Variants in ARID1B observed in about 807,000 individuals in gnomAD.
ARID1B encodes AT-rich interactive domain-containing protein 1B.
A neutral mutation model predicts 212.3 loss-of-function variants in ARID1B; 30 were observed. The ratio of observed to expected loss-of-function variants is 0.14; its 90% confidence interval spans 0.11 to 0.19. The LOEUF (loss-of-function observed/expected upper bound fraction) is 0.19. ARID1B is among the 10% of genes least tolerant of loss of function. The pLI is 1.00. For synonymous variants in ARID1B, 1,402 were observed against 1,301.7 expected, an observed-to-expected ratio of 1.08 and a Z score of -1.66; for missense variants, 2,891 against 3,204.0, an observed-to-expected ratio of 0.90 and a Z score of 2.36.
chr6:156,977,044 C>G, intron 4 of ARID1B: 1 of 388,380 alleles, frequency 2.6e-6, no homozygotes, highest in Admixed American at 3.0e-5. Context: ...AAACACACAG[C>G]AGGGAAAATC....
intron 4 of ARID1B, among the ~76,000 whole-genome samples, chr6:156,954,628 G>A (rs988704673): frequency 2.0e-5 from 3 of 152,026 alleles, no homozygotes; most frequent in African/African-American, 7.2e-5. Context: ...AAATTGTTTA[G>A]GAAGTTTTTC....
Position 157,152,974 on chromosome 6 carries a change from G to A in ARID1B, c.3089+4023G>A, listed in dbSNP as rs113849681. Among the ~76,000 whole-genome samples the A allele has an allele frequency of 9.2e-3, 1,394 of 152,336 alleles. 20 individuals carry two copies. The highest frequency in any genetic ancestry group is 0.031 in the African/African-American group (1,297 of 41,560). On this transcript the variant is annotated intron_variant, in intron 8 of 19. Transcript: ENST00000636930. ...AGGACAAATTAATGATGAAGGTGGAGCGTGAGTGAGTGTGTGTCTGCAATT... is the reference window on the plus strand; with the variant it reads ...AGGACAAATTAATGATGAAGGTGGAACGTGAGTGAGTGTGTGTCTGCAATT...
intron 4 of ARID1B, among the ~76,000 whole-genome samples, chr6:157,002,965 A>C (rs1335020545): frequency 6.6e-6 from 1 of 152,208 alleles, no homozygotes; most frequent in East Asian, 1.9e-4. Context: ...GACAGCTGAG[A>C]CCAGAAACAT....
At chr6:157,153,554 C>T (rs977860091) in intron 8 of ARID1B, among the ~76,000 whole-genome samples, 11 of 152,200 alleles carry the variant, frequency 7.2e-5, no homozygotes, top group African/African-American at 2.4e-4. Flanking sequence ...GATCAGTTCT[C>T]GTGGCTCTCT....
chr6:157,209,652 T>G lies in ARID1B; in HGVS notation c.*1761T>G, dbSNP rs886644068. 7 of 233,112 alleles carry G rather than the reference T, an allele frequency of 3.0e-5. No individual in the cohort carries two copies. In the Admixed American group the frequency reaches 3.9e-4, roughly 13 times the overall value. 14.4% of individuals were successfully genotyped at this position (233,112 alleles called of 1,614,324 possible). A position where few individuals can be genotyped will look rare whatever the true frequency, so the allele number is the denominator to read the frequency against. ...CTATTCCTTGTTTCTTCTGTGTGCC[T>G]CAGAGTTATTTTGCATTTAGTTTAC... On this transcript the variant is annotated 3_prime_UTR_variant, in exon 20 of 20. Transcript: ENST00000636930.
chr6:157,051,117 G>T (rs1782575129), intron 4 of ARID1B, among the ~76,000 whole-genome samples: 1 of 152,178 alleles, frequency 6.6e-6, no homozygotes, highest in African/African-American at 2.4e-5. Context: ...CACTGTAATT[G>T]ACTGGGGAGA....
At chr6:156,780,156 A>G (rs1197191887) in intron 1 of ARID1B, among the ~76,000 whole-genome samples, 3 of 152,202 alleles carry the variant, frequency 2.0e-5, no homozygotes, top group Non-Finnish European at 2.9e-5. Flanking sequence ...TTCGTTCCTT[A>G]GAATAGCCAG....
rs1046451353 is a variant in ARID1B at position 156,777,698 on chromosome 6, A to AGCGGCGGCGGCGGCG, written c.28_42dup (p.Ala10_Ala14dup). The AGCGGCGGCGGCGGCG allele has an allele frequency of 2.0e-5, 3 of 146,666 alleles. No homozygotes were observed. The highest frequency in any genetic ancestry group is 2.1e-4 in the South Asian group (1 of 4,798). 9.1% of individuals were successfully genotyped at this position (146,666 alleles called of 1,614,324 possible). Reference sequence around the variant, plus strand: ...CGGCGATCATGGCCGCGCGGGCAGCAGCGGCGGCGGCGGCGGCGGCGGCGC... The same window carrying AGCGGCGGCGGCGGCG: ...CGGCGATCATGGCCGCGCGGGCAGCAGCGGCGGCGGCGGCGGCGGCGGCGGCGGCGGCGGCGGCGC... On this transcript the variant is annotated inframe_insertion, in exon 1 of 20. Coordinates refer to ENST00000636930, the MANE Select transcript of ARID1B (RefSeq NM_001374828.1).
At chr6:156,897,206 G>GCTT (rs1562468084) in intron 2 of ARID1B, among the ~76,000 whole-genome samples, 15 of 82,844 alleles carry the variant, frequency 1.8e-4, no homozygotes, top group African/African-American at 6.5e-4. Flanking sequence ...TGCTGCTGCT[G>GCTT]CTGCTGCTGC....
At chr6:156,951,308 A>G (rs896192950) in intron 4 of ARID1B, among the ~76,000 whole-genome samples, 1 of 152,234 alleles carries the variant, frequency 6.6e-6, no homozygotes, top group Non-Finnish European at 1.5e-5. Context: ...TGAAAAAGAG[A>G]GAAGCAAACA....
At chr6:157,191,407 C>G (rs1793366717) in intron 15 of ARID1B, among the ~76,000 whole-genome samples, 1 of 151,908 alleles carries the variant, frequency 6.6e-6, no homozygotes, top group African/African-American at 2.4e-5. Context: ...TGGGGTGTGT[C>G]CCGGTGGTAA....
chr6:156,824,292 T>A (rs772186526), intron 1 of ARID1B, among the ~76,000 whole-genome samples: 1 of 152,220 alleles, frequency 6.6e-6, no homozygotes, highest in Non-Finnish European at 1.5e-5. Flanking sequence ...CTTGTCTTAT[T>A]TTCTGGAATT....
chr6:157,012,391 T>C (rs1384171540), intron 4 of ARID1B, among the ~76,000 whole-genome samples: 1 of 152,244 alleles, frequency 6.6e-6, no homozygotes. Context: ...AAGGCAGTTA[T>C]GAGGGCTCCA....
At chr6:157,023,874 A>C (rs747588526) in intron 4 of ARID1B, 19 of 152,210 alleles carry the variant, frequency 1.2e-4, no homozygotes, top group Non-Finnish European at 2.4e-4. Context: ...TAAATAATAC[A>C]TTCAAGTGAG....
At chr6:156,785,239 A>C (rs770671183) in intron 1 of ARID1B, among the ~76,000 whole-genome samples, 2 of 152,234 alleles carry the variant, frequency 1.3e-5, no homozygotes, top group African/African-American at 4.8e-5. Context: ...TCTTAAGCCT[A>C]TCTGGTTTAT....
At position 156,781,975 on chromosome 6, in the gene ARID1B, CTTTTTTTTTTTTT is replaced by C. The variant is rs57443841; in HGVS notation, c.1791+2521_1791+2533del. 4.1e-4 allele frequency among the ~76,000 whole-genome samples: 16 copies of C among 39,228 alleles called. 1 individual carries two copies. Among genetic ancestry groups the C allele is most frequent in the South Asian group, 2.6e-3 (2 of 774 alleles). The allele number at this position is 39,228 out of a possible 152,430, so 25.7% of individuals were successfully genotyped here. A position where few individuals can be genotyped will look rare whatever the true frequency, so the allele number is the denominator to read the frequency against. On this transcript the variant is annotated intron_variant, in intron 1 of 19. Coordinates refer to ENST00000636930, the MANE Select transcript of ARID1B (RefSeq NM_001374828.1). ...TGTCCCTATGACCCTTGGGAATAGGCTTTTTTTTTTTTTTTTTTTTTTTTTTTTTGTTGAGGTT... is the reference window on the plus strand; with the variant it reads ...TGTCCCTATGACCCTTGGGAATAGGCTTTTTTTTTTTTTTTTGTTGAGGTT...
At chr6:156,828,297 T>C (rs1346308086) in intron 1 of ARID1B, among the ~76,000 whole-genome samples, 1 of 152,146 alleles carries the variant, frequency 6.6e-6, no homozygotes. Context: ...ACCCTGCTAA[T>C]TCTTAAGCCT....
intron 8 of ARID1B, chr6:157,166,767 CTA>C: frequency 3.3e-6 from 1 of 300,058 alleles, no homozygotes; most frequent in Non-Finnish European, 6.0e-6. Flanking sequence ...TTATATTCCT[CTA>C]TATAAATAAT....
At chr6:156,781,353 AG>A (rs1779253890) in intron 1 of ARID1B, among the ~76,000 whole-genome samples, 1 of 152,056 alleles carries the variant, frequency 6.6e-6, no homozygotes, top group Non-Finnish European at 1.5e-5. Flanking sequence ...ACGATGAATT[AG>A]GGAAACTATA....
Sources: allele counts gnomAD v4.1 joint callset (sites outside exome capture counted in the v4.1 genomes callset), GRCh38; gene constraint gnomAD v4.1.1; transcripts MANE v1.5; gene names NCBI Gene and HGNC (gene_info 2026-07-23, HGNC 2026-07-21).